Variants in FBXL18 observed in about 807,000 individuals in gnomAD.
FBXL18 encodes the protein F-box/LRR-repeat protein 18.
Under a neutral mutation model 46.0 loss-of-function variants are expected in FBXL18, and 36 were observed. The observed-to-expected ratio is 0.78, with a 90% CI of 0.60 to 1.03. FBXL18 has a LOEUF of 1.03. Among genes scored for constraint, FBXL18 ranks in the 50% least tolerant of loss-of-function variants. FBXL18 has a pLI of 0.00. For synonymous variants in FBXL18, 557 were observed against 465.3 expected (o/e 1.20, Z -2.54); for missense variants, 977 against 1,004.1 (o/e 0.97, Z 0.36).
chr7:5,507,935 C>T (rs1321736446), intron 1 of FBXL18, among the ~76,000 whole-genome samples: 1 of 152,040 alleles, frequency 6.6e-6, no homozygotes, highest in African/African-American at 2.4e-5. Context: ...GTTCTCGAGA[C>T]CAGCCTGGCC....
intron 3 of FBXL18, among the ~76,000 whole-genome samples, chr7:5,495,137 G>T (rs1784043398): frequency 6.6e-6 from 1 of 152,170 alleles, no homozygotes; most frequent in African/African-American, 2.4e-5. Context: ...ACTGCGCCGG[G>T]CCTCACCTTT....
chr7:5,469,165 A>C (rs985194776), intron 4 of FBXL18, among the ~76,000 whole-genome samples: 2 of 152,138 alleles, frequency 1.3e-5, no homozygotes, highest in Non-Finnish European at 2.9e-5. Flanking sequence ...TAATCCCAGC[A>C]CTTTGGGAGG....
chr7:5,502,763 G>A (rs564141539), intron 2 of FBXL18, among the ~76,000 whole-genome samples: 7 of 151,508 alleles, frequency 4.6e-5, no homozygotes, highest in Admixed American at 2.6e-4. Flanking sequence ...GGGAGGCAGA[G>A]GTTGCAGTGA....
At chr7:5,494,320 T>C (rs1784015802) in intron 3 of FBXL18, among the ~76,000 whole-genome samples, 1 of 151,052 alleles carries the variant, frequency 6.6e-6, no homozygotes, top group African/African-American at 2.4e-5. Flanking sequence ...ATGCCCATTA[T>C]CCCAGCTACT....
In FBXL18 at chr7:5,479,407, G is replaced by C. The variant is rs568128264; in HGVS notation, c.*2368C>G. The C allele has an allele frequency of 4.8e-4, 73 of 152,458 alleles. No individual in the cohort carries two copies. Among genetic ancestry groups the C allele is most frequent in the African/African-American group, 1.7e-3 (70 of 41,582 alleles). The allele number at this position is 152,458 out of a possible 1,614,324, so 9.4% of individuals were successfully genotyped here. A position where few individuals can be genotyped will look rare whatever the true frequency, so the allele number is the denominator to read the frequency against. On this transcript the variant is annotated 3_prime_UTR_variant, in exon 5 of 5. Transcript: ENST00000382368. ...GTGCCCAGAGACACAGGCCCCCTGA[G>C]GGTCCGGGAACCTCCCAGGCCACTC...
intron 1 of FBXL18, among the ~76,000 whole-genome samples, chr7:5,511,767 CAAA>C (rs111884772): frequency 7.0e-5 from 9 of 128,758 alleles, no homozygotes; most frequent in African/African-American, 6.0e-5. Flanking sequence ...GACTCCATCT[CAAA>C]AAAAAAAAAA....
At chr7:5,456,402 C>T (rs369663517) in intron 4 of FBXL18, among the ~76,000 whole-genome samples, 2 of 152,308 alleles carry the variant, frequency 1.3e-5, no homozygotes, top group East Asian at 3.9e-4. Context: ...AAACTCATCA[C>T]GATGTGCTCG....
chr7:5,468,009 A>C (rs563279093), intron 4 of FBXL18, among the ~76,000 whole-genome samples: 1 of 150,216 alleles, frequency 6.7e-6, no homozygotes. Flanking sequence ...TGGAGATGGA[A>C]TCTCGCTCTG....
chr7:5,464,203 G>T (rs1490383504), intron 4 of FBXL18, among the ~76,000 whole-genome samples: 1 of 152,088 alleles, frequency 6.6e-6, no homozygotes, highest in South Asian at 2.1e-4. Flanking sequence ...TATTAACTGG[G>T]CATGGTGGCT....
chr7:5,455,485 C>T lies in FBXL18; in HGVS notation c.2001-7642G>A, dbSNP rs1314109263. Among the ~76,000 whole-genome samples the T allele has an allele frequency of 6.6e-6, 1 of 152,120 alleles. No homozygotes were observed. The highest frequency in any genetic ancestry group is 1.9e-4 in the East Asian group (1 of 5,174). On this transcript the variant is annotated intron_variant and NMD_transcript_variant, in intron 4 of 6. Coordinates refer to the FBXL18 transcript ENST00000415009. The surrounding 1 kb of genome is among the most constrained non-coding windows in gnomAD (Gnocchi z 4.6). ...CCTTAGTCTCCTTGCTCGCCACTGG[C>T]TTCACTGGCGTCAGAAGCAATTCCA...
intron 4 of FBXL18, among the ~76,000 whole-genome samples, chr7:5,485,539 C>T (rs758297217): frequency 6.6e-6 from 1 of 152,136 alleles, no homozygotes; most frequent in Non-Finnish European, 1.5e-5. Flanking sequence ...GGAGGCCAGG[C>T]GCAGTGGCTC....
intron 2 of FBXL18, among the ~76,000 whole-genome samples, chr7:5,503,470 C>T (rs980868178): frequency 6.6e-6 from 1 of 152,072 alleles, no homozygotes; most frequent in Non-Finnish European, 1.5e-5. Flanking sequence ...CCTCCCACCT[C>T]AGCCTCCTGA....
chr7:5,491,287 C>G lies in FBXL18; in HGVS notation c.1944G>C (p.Leu648=), dbSNP rs1003351577. 8.7e-6 allele frequency: 14 copies of G among 1,613,030 alleles called. No homozygotes were observed. In the African/African-American group the frequency reaches 1.6e-4, roughly 18 times the overall value. Residue 648 remains leucine, a synonymous_variant, in exon 4 of 5, where the codon CTG becomes CTC. Transcript: ENST00000382368. ...ARCLQVVMCH[L]FTGESLATCK... is the part of the protein sequence containing the mutation. ...AGGTGGCGAGGGACTCCCCGGTGAACAGGTGGCACATGACAACCTGCAGGC... is the reference window on the plus strand; with the variant it reads ...AGGTGGCGAGGGACTCCCCGGTGAAGAGGTGGCACATGACAACCTGCAGGC...
intron 4 of FBXL18, among the ~76,000 whole-genome samples, chr7:5,465,582 C>T (rs1367697060): frequency 1.3e-5 from 2 of 151,978 alleles, no homozygotes; most frequent in Non-Finnish European, 2.9e-5. Flanking sequence ...TCAAACAGTC[C>T]TCCCACCTCA....
chr7:5,484,280 A>G (rs1315177509), intron 4 of FBXL18, among the ~76,000 whole-genome samples: 4 of 152,056 alleles, frequency 2.6e-5, no homozygotes, highest in Non-Finnish European at 5.9e-5. Flanking sequence ...ATCCTGGCTA[A>G]CACGGTGAAA....
At chr7:5,503,191 G>T (rs1033238299) in intron 2 of FBXL18, among the ~76,000 whole-genome samples, 3 of 152,196 alleles carry the variant, frequency 2.0e-5, no homozygotes, top group African/African-American at 7.2e-5. Flanking sequence ...GACCAGCTTG[G>T]GAAACATAGC....
intron 4 of FBXL18, among the ~76,000 whole-genome samples, chr7:5,469,658 C>T (rs1205629541): frequency 4.0e-5 from 6 of 151,258 alleles, no homozygotes; most frequent in African/African-American, 1.5e-4. Context: ...TAGGAAGCTC[C>T]GTGTGTGGAT....
rs946190413 is a variant in FBXL18 at position 5,513,801 on chromosome 7, G to C, written c.-127C>G. On this transcript the variant is annotated 5_prime_UTR_variant, in exon 1 of 5. Coordinates refer to ENST00000382368, the MANE Select transcript of FBXL18 (RefSeq NM_024963.6). ...AGACCCCGGCAAGGAGCGGGCTCTC[G>C]TCACTTCCGGCGCCCGCCTACACGC... 7.5e-7 allele frequency: 1 copy of C among 1,333,598 alleles called. No homozygotes were observed. The highest frequency in any genetic ancestry group is 1.0e-6 in the Non-Finnish European group (1 of 983,678). The allele number at this position is 1,333,598 out of a possible 1,614,324, so 82.6% of individuals were successfully genotyped here.
Position 5,501,159 on chromosome 7 carries a change from G to A in FBXL18, c.1110C>T (p.Ile370=). The part of the protein sequence containing the change: ...DSLLRKAEDD[I]DSSILETLVA... ...CCAGAGTCTCCAGGATGCTGCTGTC[G>A]ATGTCGTCCTCCGCCTTGCGGAGCA... Residue 370 remains isoleucine, a synonymous_variant, in exon 3 of 5, where the codon ATC becomes ATT. Transcript: ENST00000382368. 1.9e-6 allele frequency: 3 copies of A among 1,613,202 alleles called. No homozygotes were observed. Among genetic ancestry groups the A allele is most frequent in the South Asian group, 2.2e-5 (2 of 91,050 alleles).
Sources: allele counts gnomAD v4.1 joint callset (sites outside exome capture counted in the v4.1 genomes callset), GRCh38; gene constraint gnomAD v4.1.1; non-coding constraint Gnocchi (gnomAD v3.1); transcripts MANE v1.5; gene names NCBI Gene and HGNC (gene_info 2026-07-23, HGNC 2026-07-21).